Variants in PCSK6 observed in about 807,000 individuals in gnomAD.
The protein encoded by PCSK6 is paired basic amino acid cleaving enzyme 4.
A neutral mutation model predicts 123.3 loss-of-function variants in PCSK6; 85 were observed. The observed-to-expected ratio is 0.69, with a 90% CI of 0.58 to 0.83. The LOEUF (loss-of-function observed/expected upper bound fraction) is 0.83, where lower values mean the gene tolerates loss of function less well. PCSK6 is among the 40% of genes least tolerant of loss of function. The pLI, the probability that PCSK6 is intolerant of heterozygous loss-of-function variation, is 0.00. For synonymous variants in PCSK6, 508 were observed against 516.0 expected, an observed-to-expected ratio of 0.98 and a Z score of 0.21; for missense variants, 1,191 against 1,282.3, an observed-to-expected ratio of 0.93 and a Z score of 1.09.
intron 6 of PCSK6, among the ~76,000 whole-genome samples, chr15:101,409,322 A>G (rs1410830037): frequency 6.6e-6 from 1 of 151,872 alleles, no homozygotes; most frequent in Non-Finnish European, 1.5e-5. Context: ...GCAGTGGCTC[A>G]CGCCTGTAAT....
chr15:101,337,789 A>G (rs1358519673), intron 13 of PCSK6, among the ~76,000 whole-genome samples: 1 of 152,232 alleles, frequency 6.6e-6, no homozygotes, highest in African/African-American at 2.4e-5. Context: ...TAGGTACTCA[A>G]TAAATGTTTG....
chr15:101,361,164 CT>C (rs754933946), intron 13 of PCSK6, among the ~76,000 whole-genome samples: 4,134 of 80,632 alleles, frequency 0.051, 87 homozygotes, highest in African/African-American at 0.099. Context: ...CTTTCTCTCT[CT>C]TTTTTTTTTT....
intron 1 of PCSK6, among the ~76,000 whole-genome samples, chr15:101,472,375 T>C (rs1321194987): frequency 2.0e-5 from 3 of 152,248 alleles, no homozygotes; most frequent in African/African-American, 7.2e-5. Flanking sequence ...CTCTGTCCAG[T>C]GTTTCTAACG....
At chr15:101,447,806 A>G (rs2056929704) in intron 1 of PCSK6, among the ~76,000 whole-genome samples, 1 of 152,226 alleles carries the variant, frequency 6.6e-6, no homozygotes, top group South Asian at 2.1e-4. Context: ...CCGTGCTCAC[A>G]GCTCATCGAC....
intron 1 of PCSK6, among the ~76,000 whole-genome samples, chr15:101,454,976 G>GAATAAATAAATAAATAAATAAATA (rs1179710613): frequency 3.4e-4 from 45 of 132,694 alleles, no homozygotes; most frequent in African/African-American, 1.5e-3. Context: ...ATGAATGAAT[G>GAATAAATAAATAAATAAATAAATA]AATGAATAAA....
At chr15:101,405,711 T>A (rs1452161382) in intron 6 of PCSK6, among the ~76,000 whole-genome samples, 1 of 151,916 alleles carries the variant, frequency 6.6e-6, no homozygotes. Context: ...CCACTTTTTT[T>A]CCGTAGTGAC....
intron 2 of PCSK6, among the ~76,000 whole-genome samples, chr15:101,433,644 C>T (rs2056513242): frequency 6.6e-6 from 1 of 152,224 alleles, no homozygotes; most frequent in South Asian, 2.1e-4. Context: ...CCCAAGGTGA[C>T]CCAAGGCTGG....
At chr15:101,316,418 CAAAG>C (rs774398059) in intron 19 of PCSK6, 3 of 152,056 alleles carry the variant, frequency 2.0e-5, no homozygotes, top group Non-Finnish European at 4.4e-5. Flanking sequence ...TCTGGGGACT[CAAAG>C]AAAGAAAAGT....
At chr15:101,331,040 C>G (rs1008843868) in intron 15 of PCSK6, among the ~76,000 whole-genome samples, 6 of 152,188 alleles carry the variant, frequency 3.9e-5, no homozygotes, top group African/African-American at 1.4e-4. Flanking sequence ...TATGTCCAAC[C>G]AGAAATACCT....
intron 6 of PCSK6, among the ~76,000 whole-genome samples, chr15:101,408,099 G>A (rs924559383): frequency 2.0e-5 from 3 of 152,192 alleles, no homozygotes; most frequent in Non-Finnish European, 4.4e-5. Context: ...TGGGATGCAG[G>A]ACAGGACAGC....
intron 11 of PCSK6, among the ~76,000 whole-genome samples, chr15:101,373,848 T>G (rs1205472476): frequency 6.6e-6 from 1 of 152,244 alleles, no homozygotes; most frequent in Admixed American, 6.5e-5. Flanking sequence ...TGTGCAGAGA[T>G]TATCACTGTC....
chr15:101,431,490 C>T, intron 3 of PCSK6, 27 bp from the exon 4 acceptor site: 2 of 1,612,968 alleles, frequency 1.2e-6, no homozygotes, highest in Non-Finnish European at 1.7e-6. Context: ...CACAAAGTCC[C>T]CCCGACATGG....
chr15:101,324,410 G>A (rs931848704), intron 17 of PCSK6, among the ~76,000 whole-genome samples: 1 of 152,286 alleles, frequency 6.6e-6, no homozygotes, highest in East Asian at 1.9e-4. Context: ...CACGCCCAGC[G>A]CACACATCCT....
At chr15:101,407,746 G>A (rs367605130) in intron 6 of PCSK6, among the ~76,000 whole-genome samples, 19 of 152,266 alleles carry the variant, frequency 1.2e-4, no homozygotes, top group African/African-American at 4.3e-4. Flanking sequence ...GACAGAACCC[G>A]CTGCTTCTCT....
intron 1 of PCSK6, among the ~76,000 whole-genome samples, chr15:101,454,605 G>A (rs181072439): frequency 1.3e-5 from 2 of 152,288 alleles, no homozygotes; most frequent in East Asian, 1.9e-4. Context: ...GGTTGCCAGG[G>A]GCTGTGGGGG....
intron 6 of PCSK6, among the ~76,000 whole-genome samples, chr15:101,423,374 C>G (rs967387143): frequency 7.9e-5 from 12 of 151,800 alleles, no homozygotes; most frequent in African/African-American, 2.9e-4. Context: ...AATTCTCTTG[C>G]CTCAGCCTCC....
intron 5 of PCSK6, among the ~76,000 whole-genome samples, chr15:101,428,659 C>G (rs937384597): frequency 9.9e-5 from 15 of 152,162 alleles, no homozygotes; most frequent in Non-Finnish European, 1.8e-4. Context: ...CAGCGGGGGC[C>G]AAAATAGGAG....
At chr15:101,455,909 T>C (rs973272097) in intron 1 of PCSK6, among the ~76,000 whole-genome samples, 1 of 152,370 alleles carries the variant, frequency 6.6e-6, no homozygotes, top group African/African-American at 2.4e-5. Flanking sequence ...AATTTTCATA[T>C]GGCTCTTTAA....
At chr15:101,347,235 C>G (rs773158576) in intron 13 of PCSK6, 4 of 1,232,338 alleles carry the variant, frequency 3.2e-6, no homozygotes, top group Non-Finnish European at 4.0e-6. Flanking sequence ...ATTGAGCCAT[C>G]GAACACAGAT....
Sources: allele counts gnomAD v4.1 joint callset (sites outside exome capture counted in the v4.1 genomes callset), GRCh38; gene constraint gnomAD v4.1.1; transcripts MANE v1.5; gene names NCBI Gene and HGNC (gene_info 2026-07-23, HGNC 2026-07-21).